Variants in GRIK1 observed in about 807,000 individuals in gnomAD.
GRIK1 encodes the protein glutamate ionotropic receptor kainate type subunit 1, also known as glutamate receptor ionotropic, kainate 1.
GRIK1 carries 69 observed loss-of-function variants against 105.7 expected under a neutral mutation model. That is an observed-to-expected ratio of 0.65 (90% CI 0.54 to 0.80). GRIK1 has a LOEUF of 0.80. GRIK1 is among the 30% of genes least tolerant of loss of function. The pLI is 0.00. For missense variants in GRIK1, 1,109 were observed against 1,167.3 expected (o/e 0.95, Z 0.73); for synonymous variants, 438 against 431.3 (o/e 1.02, Z -0.19).
At chr21:29,644,918 TAAAG>T (rs1465267910) in intron 6 of GRIK1, among the ~76,000 whole-genome samples, 1 of 152,106 alleles carries the variant, frequency 6.6e-6, no homozygotes. Context: ...CTTTTACAGA[TAAAG>T]AAAAAAGATG....
chr21:29,832,190 T>G (rs930222474), intron 1 of GRIK1, among the ~76,000 whole-genome samples: 2 of 152,208 alleles, frequency 1.3e-5, no homozygotes, highest in Non-Finnish European at 1.5e-5. Flanking sequence ...TCCACCCCTA[T>G]GGATCTGCAG....
Position 29,589,424 on chromosome 21 carries a change from CTT to C in GRIK1, c.1366-384_1366-383del, listed in dbSNP as rs71822803. Among the ~76,000 whole-genome samples the C allele has an allele frequency of 1.5e-3, 201 of 137,250 alleles. 13 individuals are homozygous for C. The highest frequency in any genetic ancestry group is 3.7e-3 in the Middle Eastern group (1 of 270). The allele number at this position is 137,250 out of a possible 152,430, so 90.0% of individuals were successfully genotyped here. On this transcript the variant is annotated intron_variant, in intron 10 of 17. Coordinates refer to ENST00000327783, the MANE Select transcript of GRIK1 (RefSeq NM_001330994.2). Reference sequence around the variant, plus strand: ...GCTTTTTTTTGTATGACCCTTCTGGCTTTTTTTTTTTTTTTCTGACGGAATCT... The same window carrying C: ...GCTTTTTTTTGTATGACCCTTCTGGCTTTTTTTTTTTTTCTGACGGAATCT...
intron 1 of GRIK1, among the ~76,000 whole-genome samples, chr21:29,709,586 G>T (rs1265319891): frequency 6.6e-6 from 1 of 151,644 alleles, no homozygotes; most frequent in African/African-American, 2.4e-5. Flanking sequence ...TAAATATATG[G>T]GGAAATATTT....
intron 3 of GRIK1, among the ~76,000 whole-genome samples, chr21:29,677,638 C>T (rs544603010): frequency 6.6e-6 from 1 of 152,150 alleles, no homozygotes; most frequent in Non-Finnish European, 1.5e-5. Flanking sequence ...CCTATGCCTT[C>T]CTTTTAAGTA....
chr21:29,564,035 A>T (rs1013526730), intron 14 of GRIK1, among the ~76,000 whole-genome samples: 15 of 152,176 alleles, frequency 9.9e-5, no homozygotes, highest in African/African-American at 3.6e-4. Flanking sequence ...TTATTCATGG[A>T]CTCATTATTC....
chr21:29,785,894 T>C (rs982442919), intron 1 of GRIK1, among the ~76,000 whole-genome samples: 1 of 152,202 alleles, frequency 6.6e-6, no homozygotes, highest in Non-Finnish European at 1.5e-5. Flanking sequence ...ATTGCCTCTG[T>C]CAGTTTCTGG....
rs147267042 is a variant in GRIK1, at chr21:29,543,358, C to T, written c.2608-5474G>A. Among the ~76,000 whole-genome samples, 103 of 152,288 alleles carry T rather than the reference C, an allele frequency of 6.8e-4. 2 individuals carry two copies. In the East Asian group the frequency reaches 0.018, roughly 27 times the overall value. Reference sequence around the variant, plus strand: ...TACAGTCTGGTCACCTATCTGTCCACAGATTTCACTCCCTTCCAAGAGAAT... The same window carrying T: ...TACAGTCTGGTCACCTATCTGTCCATAGATTTCACTCCCTTCCAAGAGAAT... On this transcript the variant is annotated intron_variant, in intron 16 of 17. Transcript: ENST00000327783.
chr21:29,614,778 T>C (rs1369951234), intron 7 of GRIK1, among the ~76,000 whole-genome samples: 1 of 151,520 alleles, frequency 6.6e-6, no homozygotes, highest in East Asian at 1.9e-4. Context: ...TCTACTGCCA[T>C]GTTCTGCCCC....
At chr21:29,736,463 A>G (rs570528325) in intron 1 of GRIK1, among the ~76,000 whole-genome samples, 17 of 152,206 alleles carry the variant, frequency 1.1e-4, no homozygotes, top group African/African-American at 3.9e-4. Flanking sequence ...TCCTGACTTC[A>G]AGTGATCCTT....
At chr21:29,726,263 C>A (rs1450215246) in intron 1 of GRIK1, among the ~76,000 whole-genome samples, 2 of 152,144 alleles carry the variant, frequency 1.3e-5, no homozygotes, top group African/African-American at 4.8e-5. Flanking sequence ...TCTTTGTCAG[C>A]ATTCTTGATG....
At chr21:29,806,053 A>AAT (rs2145873099) in intron 1 of GRIK1, among the ~76,000 whole-genome samples, 1 of 152,310 alleles carries the variant, frequency 6.6e-6, no homozygotes, top group South Asian at 2.1e-4. Flanking sequence ...ATCTAGAGTA[A>AAT]ATAATAAAAT....
Position 29,811,323 on chromosome 21 carries a change from T to C in GRIK1, c.119-117260A>G, listed in dbSNP as rs572587458. Reference sequence around the variant, plus strand: ...TATTTTCACTCATGTGTGCACTCTGTCCGTAATAACTCGTTAATGAGCATA... The same window carrying C: ...TATTTTCACTCATGTGTGCACTCTGCCCGTAATAACTCGTTAATGAGCATA... On this transcript the variant is annotated intron_variant, in intron 1 of 17. Transcript: ENST00000327783. 2.0e-5 allele frequency among the ~76,000 whole-genome samples: 3 copies of C among 152,274 alleles called. No individual in the cohort carries two copies. In the South Asian group the frequency reaches 6.2e-4, roughly 32 times the overall value.
chr21:29,738,038 T>G (rs945508659), intron 1 of GRIK1, among the ~76,000 whole-genome samples: 1 of 152,206 alleles, frequency 6.6e-6, no homozygotes, highest in African/African-American at 2.4e-5. Context: ...GTGGATTATT[T>G]AGAAATGGCT....
At chr21:29,865,645 T>C (rs1343197473) in intron 1 of GRIK1, among the ~76,000 whole-genome samples, 1 of 152,256 alleles carries the variant, frequency 6.6e-6, no homozygotes, top group Non-Finnish European at 1.5e-5. Context: ...ATGGGGCATA[T>C]ATGTGAGAAA....
chr21:29,637,584 A>G (rs2062423139), intron 7 of GRIK1, among the ~76,000 whole-genome samples: 1 of 152,334 alleles, frequency 6.6e-6, no homozygotes, highest in Non-Finnish European at 1.5e-5. Flanking sequence ...GAGGCCCTTG[A>G]GAGATTCCTT....
chr21:29,797,411 T>C (rs777087102), intron 1 of GRIK1, among the ~76,000 whole-genome samples: 14 of 152,152 alleles, frequency 9.2e-5, no homozygotes, highest in Non-Finnish European at 1.5e-5. Flanking sequence ...ACAGTGATAT[T>C]TGGCTTCTGT....
In GRIK1 at chr21:29,690,351, T is replaced by C. The variant is rs568717124; in HGVS notation, c.287-366A>G. On this transcript the variant is annotated intron_variant, in intron 2 of 17. Transcript: ENST00000327783. Reference sequence around the variant, plus strand: ...CAAGCCCTTTGCCAAATGAGTGTTGTATGAATTAAGTTCTGTCATGCAGCA... The same window carrying C: ...CAAGCCCTTTGCCAAATGAGTGTTGCATGAATTAAGTTCTGTCATGCAGCA... Among the ~76,000 whole-genome samples the C allele has an allele frequency of 7.2e-5, 11 of 152,326 alleles. No homozygotes were observed. The South Asian group carries it at 2.1e-3, about 29-fold the overall frequency.
chr21:29,715,144 T>C (rs1012162256), intron 1 of GRIK1, among the ~76,000 whole-genome samples: 5 of 152,156 alleles, frequency 3.3e-5, no homozygotes, highest in Non-Finnish European at 5.9e-5. Context: ...TGCTACATAA[T>C]TCAGGGTTGT....
intron 16 of GRIK1, among the ~76,000 whole-genome samples, chr21:29,545,175 G>C (rs143818930): frequency 6.6e-6 from 1 of 152,238 alleles, no homozygotes; most frequent in Non-Finnish European, 1.5e-5. Flanking sequence ...CATGAAACAT[G>C]GCCCAGTCCA....
Sources: gnomAD v4.1 joint callset for allele counts (sites outside exome capture counted in the v4.1 genomes callset) on GRCh38, gnomAD v4.1.1 for gene constraint, MANE v1.5 for transcripts, NCBI Gene and HGNC (gene_info 2026-07-23, HGNC 2026-07-21) for gene names.